Variants in CASK observed in about 807,000 individuals in gnomAD.
The protein encoded by CASK is peripheral plasma membrane protein CASK.
CASK carries 4 observed loss-of-function variants against 82.9 expected under a neutral mutation model. That is an observed-to-expected ratio of 0.05 (90% CI 0.02 to 0.11). The LOEUF is 0.11. Among genes scored for constraint, CASK ranks in the 10% least tolerant of loss-of-function variants. The pLI, the probability that CASK is intolerant of heterozygous loss-of-function variation, is 1.00. For synonymous variants in CASK, 259 were observed against 253.5 expected, an observed-to-expected ratio of 1.02 and a Z score of -0.20; for missense variants, 358 against 720.9, an observed-to-expected ratio of 0.50 and a Z score of 5.76.
At chrX:41,547,046 T>C (rs2065032551) in intron 21 of CASK, among the ~76,000 whole-genome samples, 1 of 111,231 alleles carries the variant, frequency 9.0e-6, no homozygotes, top group South Asian at 3.8e-4. Flanking sequence ...TTCTCCTGTC[T>C]TGGCCTTCCA....
At chrX:41,593,554 A>T (rs62587027) in intron 12 of CASK, among the ~76,000 whole-genome samples, 16,015 of 111,094 alleles carry the variant, frequency 0.14, 898 homozygotes, top group Middle Eastern at 0.18. Flanking sequence ...GAAGGATTCA[A>T]CCCTTTGGAG....
At chrX:41,601,604 T>C (rs986555797) in intron 12 of CASK, among the ~76,000 whole-genome samples, 5 of 111,624 alleles carry the variant, frequency 4.5e-5, no homozygotes, top group Admixed American at 9.5e-5. Flanking sequence ...CTGTGAAATC[T>C]AGTGGGATGA....
At chrX:41,775,170 A>T (rs2069330701) in intron 3 of CASK, among the ~76,000 whole-genome samples, 1 of 108,192 alleles carries the variant, frequency 9.2e-6, no homozygotes, top group Non-Finnish European at 1.9e-5. Flanking sequence ...TCTACAATGA[A>T]CTCAAACAAA....
intron 16 of CASK, among the ~76,000 whole-genome samples, chrX:41,565,240 A>G (rs1330126483): frequency 8.9e-6 from 1 of 111,835 alleles, no homozygotes; most frequent in Non-Finnish European, 1.9e-5. Flanking sequence ...AGATCAGAGC[A>G]GAACTGAAGG....
chrX:41,700,073 A>G (rs1348878572), intron 5 of CASK, among the ~76,000 whole-genome samples: 1 of 111,821 alleles, frequency 8.9e-6, no homozygotes. Context: ...GCAAAACCAA[A>G]TATGGGCAAA....
chrX:41,584,179 G>C (rs1206073889), intron 14 of CASK: 2 of 112,880 alleles, frequency 1.8e-5, no homozygotes, highest in Non-Finnish European at 3.7e-5. Flanking sequence ...CCCTATACAT[G>C]ATAGATACTA....
At chrX:41,632,775 G>A (rs772864432) in intron 9 of CASK, among the ~76,000 whole-genome samples, 1 of 111,062 alleles carries the variant, frequency 9.0e-6, no homozygotes, top group African/African-American at 3.3e-5. Flanking sequence ...GGCTGGGCGC[G>A]GTGGCTTATG....
At chrX:41,810,939 C>G (rs1404856156) in intron 2 of CASK, among the ~76,000 whole-genome samples, 6 of 110,512 alleles carry the variant, frequency 5.4e-5, no homozygotes, top group Non-Finnish European at 1.1e-4. Flanking sequence ...ATCCTAGTCT[C>G]TGATAAAACA....
chrX:41,838,204 G>A (rs1363338716), intron 2 of CASK, among the ~76,000 whole-genome samples: 1 of 111,251 alleles, frequency 9.0e-6, no homozygotes, highest in Non-Finnish European at 1.9e-5. Context: ...ATCTTATTGT[G>A]GCTTTAATTT....
At chrX:41,799,546 G>GA (rs1602641858) in intron 2 of CASK, among the ~76,000 whole-genome samples, 2 of 107,768 alleles carry the variant, frequency 1.9e-5, no homozygotes, top group African/African-American at 6.7e-5. Flanking sequence ...CTCTGTCTCA[G>GA]AAAAAACCCA....
intron 7 of CASK, among the ~76,000 whole-genome samples, chrX:41,663,624 T>C (rs768678675): frequency 1.8e-5 from 2 of 112,255 alleles, no homozygotes; most frequent in East Asian, 5.6e-4. Flanking sequence ...TGAAGCACAT[T>C]GCCTTGGAAA....
chrX:41,922,655 T>C (rs907721528), intron 1 of CASK, among the ~76,000 whole-genome samples: 2 of 112,057 alleles, frequency 1.8e-5, no homozygotes, highest in African/African-American at 6.5e-5. Context: ...GCCACGTCCC[T>C]GTGCAACCGT....
intron 2 of CASK, among the ~76,000 whole-genome samples, chrX:41,835,038 A>G (rs2070902147): frequency 8.9e-6 from 1 of 112,051 alleles, no homozygotes; most frequent in African/African-American, 3.2e-5. Context: ...TCCTGTCTTT[A>G]TCTATTTTCT....
At chrX:41,639,304 C>T (rs992904821) in intron 8 of CASK, among the ~76,000 whole-genome samples, 3 of 109,450 alleles carry the variant, frequency 2.7e-5, no homozygotes, top group African/African-American at 1.0e-4. Context: ...GATCTCTTGG[C>T]CTCGTGATCT....
In CASK at chrX:41,526,563, C is replaced by CTATAT. The variant is rs1328740041; in HGVS notation, c.2521-2530_2521-2529insATATA. 6.2e-5 allele frequency among the ~76,000 whole-genome samples: 7 copies of CTATAT among 112,228 alleles called. No individual in the cohort carries two copies. The East Asian group carries it at 1.9e-3, about 31-fold the overall frequency. On this transcript the variant is annotated intron_variant, in intron 25 of 26. Transcript: ENST00000378163. Reference sequence around the variant, plus strand: ...TGCCCATCTCTGCACTGCATTCACACCCTTGGTCTATATCCATAGACTGCA... The same window carrying CTATAT: ...TGCCCATCTCTGCACTGCATTCACACTATATCCTTGGTCTATATCCATAGACTGCA...
At chrX:41,563,221 C>T (rs958719950) in intron 16 of CASK, among the ~76,000 whole-genome samples, 13 of 105,031 alleles carry the variant, frequency 1.2e-4, no homozygotes, top group Non-Finnish European at 2.1e-4. Flanking sequence ...AAAAAATTAG[C>T]TGAGTGTGGT....
At chrX:41,575,194 C>T (rs889079579) in intron 15 of CASK, among the ~76,000 whole-genome samples, 1 of 112,241 alleles carries the variant, frequency 8.9e-6, no homozygotes, top group African/African-American at 3.2e-5. Flanking sequence ...GAGGCAGGCA[C>T]TCTGCTAGGT....
chrX:41,655,178 T>A (rs956278219), intron 8 of CASK, among the ~76,000 whole-genome samples: 1 of 111,052 alleles, frequency 9.0e-6, no homozygotes, highest in Non-Finnish European at 1.9e-5. Context: ...GAAATGTAAA[T>A]CTGCACTTCG....
At chrX:41,885,145 C>T (rs1047941200) in intron 1 of CASK, among the ~76,000 whole-genome samples, 1 of 111,649 alleles carries the variant, frequency 9.0e-6, no homozygotes, top group African/African-American at 3.3e-5. Flanking sequence ...ATATGTTGCC[C>T]CATGTCTACT....
Sources: gnomAD v4.1 joint callset for allele counts (sites outside exome capture counted in the v4.1 genomes callset) on GRCh38, gnomAD v4.1.1 for gene constraint, MANE v1.5 for transcripts, NCBI Gene and HGNC (gene_info 2026-07-23, HGNC 2026-07-21) for gene names.